Variants in SCEL observed in about 807,000 individuals in gnomAD.
SCEL encodes sciellin.
Under a neutral mutation model 117.6 loss-of-function variants are expected in SCEL, and 113 were observed. That is an observed-to-expected ratio of 0.96 (90% CI 0.83 to 1.12). The LOEUF (loss-of-function observed/expected upper bound fraction) is 1.12, where lower values mean the gene tolerates loss of function less well. SCEL is among the 50% of genes most tolerant of loss of function. SCEL has a pLI of 0.00. For missense variants in SCEL, 785 were observed against 810.8 expected (o/e 0.97, Z 0.39); for synonymous variants, 270 against 256.2 (o/e 1.05, Z -0.51).
chr13:77,552,151 A>G (rs1407193533), intron 1 of SCEL, among the ~76,000 whole-genome samples: 1 of 151,952 alleles, frequency 6.6e-6, no homozygotes, highest in Non-Finnish European at 1.5e-5. Context: ...GCCGCCATAA[A>G]CATACGTGTG....
At chr13:77,554,967 C>A (rs1217144408) in intron 1 of SCEL, among the ~76,000 whole-genome samples, 1 of 152,106 alleles carries the variant, frequency 6.6e-6, no homozygotes, top group East Asian at 1.9e-4. Flanking sequence ...CTAAGGCACA[C>A]AAAGGCCCCC....
intron 30 of SCEL, among the ~76,000 whole-genome samples, chr13:77,639,810 A>T (rs2090474710): frequency 6.6e-6 from 1 of 152,152 alleles, no homozygotes; most frequent in East Asian, 1.9e-4. Context: ...CCCATTACAT[A>T]TCCTACTCTG....
rs778902292 is a variant in SCEL at position 77,642,745 on chromosome 13, G to A, written c.1987G>A (p.Gly663Ser). ...GCAGCCTTTGGAAAATCTACAAGCG[G>A]GTGATAGTATTTGGATTTATAGACA... is the stretch of plus-strand genomic sequence containing the variant. ...CKQPLENLQA[G>S]DSIWIYRQTI... is the part of the protein sequence containing the mutation. The change falls in exon 32 of 33, where the codon GGT becomes AGT. Residue 663 changes from glycine (G) to serine (S), a missense_variant. Physicochemically the swap from Gly to Ser is moderately conservative, Grantham distance 56. Transcript: ENST00000349847. The A allele has an allele frequency of 6.2e-7, 1 of 1,604,956 alleles. No individual in the cohort carries two copies. The highest frequency in any genetic ancestry group is 2.2e-5 in the East Asian group (1 of 44,710).
intron 4 of SCEL, among the ~76,000 whole-genome samples, chr13:77,561,233 G>C (rs1818763637): frequency 6.6e-6 from 1 of 152,184 alleles, no homozygotes; most frequent in African/African-American, 2.4e-5. Context: ...AGAAATGCTT[G>C]TGTTTTTTAA....
chr13:77,617,938 A>G, intron 26 of SCEL, 66 bp from the exon 27 acceptor site: 3 of 1,583,398 alleles, frequency 1.9e-6, no homozygotes, highest in Non-Finnish European at 2.6e-6. Flanking sequence ...ATGTTGCTTT[A>G]TTGACCTAGC....
chr13:77,568,796 C>T (rs547524660), intron 7 of SCEL, among the ~76,000 whole-genome samples: 30 of 152,278 alleles, frequency 2.0e-4, no homozygotes, highest in African/African-American at 7.2e-4. Flanking sequence ...GAATGTACTA[C>T]TGATGGTTAT....
chr13:77,626,972 A>G (rs886959434), intron 27 of SCEL, among the ~76,000 whole-genome samples: 6 of 152,188 alleles, frequency 3.9e-5, no homozygotes, highest in African/African-American at 1.2e-4. Context: ...AGAACTATCA[A>G]TGTTATACCT....
intron 9 of SCEL, among the ~76,000 whole-genome samples, chr13:77,580,149 A>G (rs943562476): frequency 6.6e-6 from 1 of 152,224 alleles, no homozygotes; most frequent in Admixed American, 6.5e-5. Context: ...TTGTGCTGTT[A>G]TGTAATTTGA....
chr13:77,558,814 T>G (rs557826850), intron 3 of SCEL, among the ~76,000 whole-genome samples: 1 of 106,786 alleles, frequency 9.4e-6, no homozygotes, highest in East Asian at 2.9e-4. Context: ...CAAGACTCTG[T>G]CTTACAAAAA....
At chr13:77,602,209 C>CT in intron 16 of SCEL, 85 bp downstream of exon 16, 1 of 1,147,524 alleles carries the variant, frequency 8.7e-7, no homozygotes, top group Non-Finnish European at 1.3e-6. Flanking sequence ...TTATGCTTTC[C>CT]TTTGTGGCAG....
At chr13:77,545,538 A>G (rs1355653422) in intron 1 of SCEL, among the ~76,000 whole-genome samples, 1 of 152,240 alleles carries the variant, frequency 6.6e-6, no homozygotes, top group East Asian at 1.9e-4. Flanking sequence ...CCATGTATAT[A>G]TAAAGTACTG....
At chr13:77,558,359 G>C (rs2084777273) in intron 3 of SCEL, among the ~76,000 whole-genome samples, 1 of 152,024 alleles carries the variant, frequency 6.6e-6, no homozygotes, top group African/African-American at 2.4e-5. Flanking sequence ...AAACATGTCT[G>C]GTATCTGCTC....
intron 3 of SCEL, among the ~76,000 whole-genome samples, chr13:77,559,352 A>T (rs1242268686): frequency 1.3e-5 from 2 of 152,268 alleles, no homozygotes; most frequent in African/African-American, 4.8e-5. Flanking sequence ...CCCACATTTT[A>T]TGAAGGAGAA....
intron 31 of SCEL, among the ~76,000 whole-genome samples, chr13:77,642,385 C>A (rs2090598726): frequency 6.6e-6 from 1 of 152,170 alleles, no homozygotes; most frequent in South Asian, 2.1e-4. Flanking sequence ...TAAACTTTTT[C>A]TCAAACCCAG....
intron 15 of SCEL, among the ~76,000 whole-genome samples, chr13:77,601,192 T>C (rs1250955776): frequency 2.0e-5 from 3 of 152,022 alleles, no homozygotes; most frequent in Non-Finnish European, 4.4e-5. Context: ...AAAAACAGTT[T>C]GGAGAGTTCT....
At position 77,618,059 on chromosome 13, in the gene SCEL, C is replaced by T. The variant is rs746146670; in HGVS notation, c.1627C>T (p.Arg543Ter). The change falls in exon 27 of 33, where the codon CGA becomes TGA. Residue 543 changes from arginine (R) to a stop codon, truncating the protein, a stop_gained and splice_region_variant. Transcript: ENST00000349847. LOFTEE classifies it high-confidence loss of function. ...ACCTTCAGCTCTTAGAAACACTAAT[C>T]GGTAAATGACCTTGACTATCTTGAC... ...VKPSALRNTN[R>*]DQNLENLIEV... The T allele has an allele frequency of 8.7e-6, 14 of 1,609,518 alleles. No individual in the cohort carries two copies. The highest frequency in any genetic ancestry group is 1.1e-5 in the South Asian group (1 of 90,988).
intron 22 of SCEL, among the ~76,000 whole-genome samples, chr13:77,612,456 CTTTTTTTTTTTTTTTTT>C (rs71102764): frequency 1.1e-5 from 1 of 93,544 alleles, no homozygotes; most frequent in Non-Finnish European, 2.1e-5. Flanking sequence ...TTTTTCTTTT[CTTTTTTTTTTTTTTTTT>C]TTTTTTTTTT....
At chr13:77,553,082 C>G (rs1403463483) in intron 1 of SCEL, among the ~76,000 whole-genome samples, 1 of 152,158 alleles carries the variant, frequency 6.6e-6, no homozygotes, top group Non-Finnish European at 1.5e-5. Flanking sequence ...TTTAAAGGCC[C>G]TGTCTCCAAA....
At chr13:77,541,334 T>G (rs1393964406) in intron 1 of SCEL, among the ~76,000 whole-genome samples, 1 of 152,200 alleles carries the variant, frequency 6.6e-6, no homozygotes, top group East Asian at 1.9e-4. Context: ...TAATGAATGA[T>G]AATTCTAAAT....
Sources: gnomAD v4.1 joint callset for allele counts (sites outside exome capture counted in the v4.1 genomes callset) on GRCh38, gnomAD v4.1.1 for gene constraint, MANE v1.5 for transcripts, NCBI Gene and HGNC (gene_info 2026-07-23, HGNC 2026-07-21) for gene names.